Variants in SLC6A15 observed in about 807,000 individuals in gnomAD.
The protein encoded by SLC6A15 is solute carrier family 6 member 15, also known as sodium-dependent neutral amino acid transporter B(0)AT2.
SLC6A15 carries 33 observed loss-of-function variants against 68.5 expected under a neutral mutation model. That is an observed-to-expected ratio of 0.48 (90% CI 0.37 to 0.64). The LOEUF (loss-of-function observed/expected upper bound fraction) is 0.64. SLC6A15 is among the 30% of genes least tolerant of loss of function. The probability of loss-of-function intolerance (pLI) is 0.00; values close to 1 mark genes in which losing one functional copy is unlikely to be tolerated. For missense variants in SLC6A15, 747 were observed against 874.3 expected (o/e 0.85, Z 1.84); for synonymous variants, 347 against 301.0 (o/e 1.15, Z -1.58).
chr12:84,871,435 T>C (rs1196987279), intron 8 of SLC6A15, among the ~76,000 whole-genome samples: 1 of 151,994 alleles, frequency 6.6e-6, no homozygotes, highest in Non-Finnish European at 1.5e-5. Context: ...CAGAAAGAAA[T>C]TGAATTACTT....
At chr12:84,866,444 T>G (rs1871069820) in intron 10 of SLC6A15, among the ~76,000 whole-genome samples, 1 of 152,200 alleles carries the variant, frequency 6.6e-6, no homozygotes, top group Non-Finnish European at 1.5e-5. Context: ...GTAATGACTC[T>G]ATATAAAAAT....
intron 10 of SLC6A15, among the ~76,000 whole-genome samples, chr12:84,865,406 A>T (rs185242494): frequency 2.0e-4 from 30 of 152,268 alleles, no homozygotes; most frequent in African/African-American, 7.2e-4. Flanking sequence ...ATTATCAGCA[A>T]CCCCCACGAG....
chr12:84,882,906 A>C (rs1592602170), intron 5 of SLC6A15: 1 of 658,752 alleles, frequency 1.5e-6, no homozygotes, highest in African/African-American at 2.0e-5. Flanking sequence ...AAACATCTTT[A>C]TCATCATTTA....
At chr12:84,863,346 C>CA in intron 11 of SLC6A15, 93 bp downstream of exon 11, 3 of 922,720 alleles carry the variant, frequency 3.3e-6, no homozygotes, top group Non-Finnish European at 4.9e-6. Flanking sequence ...CATTAAACAG[C>CA]AAAAAATACT....
intron 1 of SLC6A15, among the ~76,000 whole-genome samples, chr12:84,903,493 C>A (rs527924658): frequency 2.0e-5 from 3 of 152,210 alleles, no homozygotes; most frequent in Non-Finnish European, 4.4e-5. Context: ...TTCTTTCATA[C>A]TTCCGGAGAC....
At chr12:84,899,661 TGA>T (rs1432628601) in intron 1 of SLC6A15, among the ~76,000 whole-genome samples, 1 of 152,172 alleles carries the variant, frequency 6.6e-6, no homozygotes, top group Non-Finnish European at 1.5e-5. Flanking sequence ...TTACAAATTA[TGA>T]ATCAAAAACT....
At position 84,868,395 on chromosome 12, in the gene SLC6A15, G is replaced by A. The variant is rs1002146925; in HGVS notation, c.1496-1202C>T. ...GATGAGAGAAATGATCCTGAAGAAC[G>A]TTAAGTAATGTGCTTAAATTCTCAA... On this transcript the variant is annotated intron_variant, in intron 9 of 11. Transcript: ENST00000266682. Among the ~76,000 whole-genome samples the A allele has an allele frequency of 7.9e-5, 12 of 152,242 alleles. No individual in the cohort carries two copies. The East Asian group carries it at 1.9e-3, about 24-fold the overall frequency.
At position 84,860,084 on chromosome 12, in the gene SLC6A15, A is replaced by G. The variant is rs1182312278; in HGVS notation, c.*1548T>C. ...ATTCATGAATATATTTTAAAAGACTAAAAATTTATGCACCAGTGGATTTAA... is the reference window on the plus strand; with the variant it reads ...ATTCATGAATATATTTTAAAAGACTGAAAATTTATGCACCAGTGGATTTAA... On this transcript the variant is annotated 3_prime_UTR_variant, in exon 12 of 12. Transcript: ENST00000266682. 6.6e-6 allele frequency: 1 copy of G among 152,086 alleles called. No homozygotes were observed. Among genetic ancestry groups the G allele is most frequent in the Non-Finnish European group, 1.5e-5 (1 of 67,924 alleles). The allele number at this position is 152,086 out of a possible 1,614,324, so 9.4% of individuals were successfully genotyped here. A position where few individuals can be genotyped will look rare whatever the true frequency, so the allele number is the denominator to read the frequency against.
intron 5 of SLC6A15, among the ~76,000 whole-genome samples, chr12:84,879,151 A>G (rs533342537): frequency 6.6e-6 from 1 of 151,860 alleles, no homozygotes; most frequent in Non-Finnish European, 1.5e-5. Flanking sequence ...TCACACAGAA[A>G]TACTCAGCAG....
chr12:84,868,785 T>C (rs1246632022), intron 9 of SLC6A15, among the ~76,000 whole-genome samples: 1 of 152,160 alleles, frequency 6.6e-6, no homozygotes, highest in Non-Finnish European at 1.5e-5. Context: ...TCTTAGAAAA[T>C]ACTACTTTGT....
chr12:84,859,498 T>C lies in SLC6A15; in HGVS notation c.*2134A>G, dbSNP rs188401344. On this transcript the variant is annotated 3_prime_UTR_variant, in exon 12 of 12. Coordinates refer to ENST00000266682, the MANE Select transcript of SLC6A15 (RefSeq NM_182767.6). ...TATCAAAACAGCATATTGTACACCT[T>C]AGATATATACTTTATTTGCTTTCAC... The C allele has an allele frequency of 2.4e-4, 37 of 152,050 alleles. No individual in the cohort carries two copies. The highest frequency in any genetic ancestry group is 8.9e-4 in the African/African-American group (37 of 41,544). The allele number at this position is 152,050 out of a possible 1,614,324, so 9.4% of individuals were successfully genotyped here.
intron 5 of SLC6A15, chr12:84,883,529 A>C: frequency 7.7e-7 from 1 of 1,293,162 alleles, no homozygotes; most frequent in Non-Finnish European, 9.8e-7. Flanking sequence ...CCATAATTTA[A>C]CTAATTGGTA....
intron 6 of SLC6A15, among the ~76,000 whole-genome samples, chr12:84,873,689 G>A (rs907966728): frequency 2.0e-5 from 3 of 152,044 alleles, no homozygotes; most frequent in African/African-American, 4.8e-5. Context: ...AGCAAAACAG[G>A]TCAATTACCA....
At chr12:84,877,738 A>G (rs1177206706) in intron 5 of SLC6A15, among the ~76,000 whole-genome samples, 1 of 151,912 alleles carries the variant, frequency 6.6e-6, no homozygotes, top group African/African-American at 2.4e-5. Flanking sequence ...TTTCTCTCCC[A>G]TCTGCCCCCT....
At chr12:84,878,295 T>G (rs1029038656) in intron 5 of SLC6A15, among the ~76,000 whole-genome samples, 2 of 152,204 alleles carry the variant, frequency 1.3e-5, no homozygotes, top group African/African-American at 4.8e-5. Context: ...TTCACTCAAA[T>G]TTTTTGATTT....
intron 4 of SLC6A15, among the ~76,000 whole-genome samples, chr12:84,884,465 C>T (rs993112710): frequency 3.3e-5 from 5 of 151,920 alleles, no homozygotes; most frequent in Non-Finnish European, 5.9e-5. Flanking sequence ...GCCACCAAAC[C>T]GAGCTAATTT....
intron 8 of SLC6A15, among the ~76,000 whole-genome samples, chr12:84,871,477 A>G (rs1489470275): frequency 6.6e-6 from 1 of 152,154 alleles, no homozygotes; most frequent in African/African-American, 2.4e-5. Context: ...TTTTATAAAT[A>G]TCACAAATAT....
At chr12:84,873,727 A>T (rs147063770) in intron 6 of SLC6A15, among the ~76,000 whole-genome samples, 3 of 152,276 alleles carry the variant, frequency 2.0e-5, no homozygotes, top group East Asian at 3.9e-4. Flanking sequence ...CTTCACTAAC[A>T]CTCCATGTTT....
chr12:84,888,756 C>G (rs1193205931), intron 2 of SLC6A15, among the ~76,000 whole-genome samples: 2 of 152,140 alleles, frequency 1.3e-5, no homozygotes, highest in African/African-American at 4.8e-5. Flanking sequence ...ACTCCAAAAT[C>G]TATTGAAATA....
Sources: gnomAD v4.1 joint callset for allele counts (sites outside exome capture counted in the v4.1 genomes callset) on GRCh38, gnomAD v4.1.1 for gene constraint, MANE v1.5 for transcripts, NCBI Gene and HGNC (gene_info 2026-07-23, HGNC 2026-07-21) for gene names.